Variants in PCBP3 observed in about 807,000 individuals in gnomAD.
The protein encoded by PCBP3 is poly(rC)-binding protein 3.
In PCBP3, 25 loss-of-function variants were observed where a neutral mutation model predicts 52.7. The ratio of observed to expected loss-of-function variants is 0.47; its 90% CI spans 0.35 to 0.66. PCBP3 has a LOEUF of 0.66. PCBP3 is among the 30% of genes least tolerant of loss of function. The pLI, the probability that PCBP3 is intolerant of heterozygous loss-of-function variation, is 0.01. For missense variants in PCBP3, 391 were observed against 490.3 expected, an observed-to-expected ratio of 0.80 and a Z score of 1.91; for synonymous variants, 162 against 183.0, an observed-to-expected ratio of 0.89 and a Z score of 0.93.
chr21:45,807,748 C>A (rs572113473), intron 4 of PCBP3, among the ~76,000 whole-genome samples: 1,899 of 149,414 alleles, frequency 0.013, 61 homozygotes, highest in African/African-American at 0.045. Flanking sequence ...GCAAAAAAAA[C>A]AAAAACAAAA....
intron 4 of PCBP3, among the ~76,000 whole-genome samples, chr21:45,849,525 C>T (rs914439287): frequency 3.3e-5 from 5 of 151,736 alleles, no homozygotes; most frequent in African/African-American, 1.2e-4. Flanking sequence ...CCTTTTTTTT[C>T]CAAGTCTCTC....
chr21:45,725,620 A>G (rs527889847), intron 2 of PCBP3, among the ~76,000 whole-genome samples: 2 of 152,266 alleles, frequency 1.3e-5, no homozygotes, highest in South Asian at 4.1e-4. Context: ...CAGGGTTCTT[A>G]CCACCATGGA....
intron 1 of PCBP3, 101 bp from the exon 2 acceptor site, chr21:45,668,773 G>T (rs2080968713): frequency 1.3e-5 from 2 of 152,084 alleles, no homozygotes; most frequent in Non-Finnish European, 2.9e-5. Flanking sequence ...ATTTTTGGAA[G>T]TTCTTACTTT....
intron 4 of PCBP3, among the ~76,000 whole-genome samples, chr21:45,790,031 G>T (rs8127809): frequency 0.19 from 29,154 of 151,990 alleles, 3,008 homozygotes; most frequent in Middle Eastern, 0.33. Flanking sequence ...TCCCAGCTAC[G>T]CGGGAGGCTG....
At chr21:45,930,882 G>A (rs11089031) in intron 15 of PCBP3, 37 bp downstream of exon 15, 465,478 of 1,610,168 alleles carry the variant, frequency 0.29, 69,142 homozygotes, top group Middle Eastern at 0.42. Flanking sequence ...AACAGGCCAG[G>A]GCAGCAGAGC....
At chr21:45,896,882 T>C (rs2095846911) in intron 6 of PCBP3, among the ~76,000 whole-genome samples, 2 of 128,558 alleles carry the variant, frequency 1.6e-5, no homozygotes, top group African/African-American at 6.7e-5. Flanking sequence ...CCGCGGCACA[T>C]AGAACCGGAG....
intron 12 of PCBP3, chr21:45,915,723 C>T (rs2149321194): frequency 6.6e-6 from 1 of 152,560 alleles, no homozygotes; most frequent in African/African-American, 2.4e-5. Flanking sequence ...GCCCTGGGGC[C>T]CTGGGGACAG....
rs151168291 is a variant in PCBP3, at chr21:45,899,478, C to T, written c.166-121C>T. ...TGAATTCTCCCTTCTTCATGCACAC[C>T]GGGAAGGTCCCTTCTGCACTCATAC... On this transcript the variant is annotated intron_variant, in intron 6 of 17. Transcript: ENST00000681687. 5,401 of 711,934 alleles carry T rather than the reference C, an allele frequency of 7.6e-3. 49 individuals carry two copies. The highest frequency in any genetic ancestry group is 8.8e-3 in the Non-Finnish European group (3,478 of 396,394). 44.1% of individuals were successfully genotyped at this position (711,934 alleles called of 1,614,324 possible). A position where few individuals can be genotyped will look rare whatever the true frequency, so the allele number is the denominator to read the frequency against.
intron 13 of PCBP3, among the ~76,000 whole-genome samples, chr21:45,922,468 T>C (rs538088614): frequency 6.6e-6 from 1 of 152,236 alleles, no homozygotes; most frequent in Admixed American, 6.5e-5. Context: ...GGTGGGGCAG[T>C]TACCTGAGCT....
Position 45,853,741 on chromosome 21 carries a change from G to A in PCBP3, c.10+3646G>A, listed in dbSNP as rs1431408265. On this transcript the variant is annotated intron_variant, in intron 5 of 17. Coordinates refer to ENST00000681687, the MANE Select transcript of PCBP3 (RefSeq NM_001384156.1). This position sits in a 1 kb window ranked among gnomAD's most constrained non-coding sequence, Gnocchi z 4.6. Reference sequence around the variant, plus strand: ...TGGTGTTAAACCATTCTGCCTGTGTGAGTACAGACGCGTGCATAGGAAATT... The same window carrying A: ...TGGTGTTAAACCATTCTGCCTGTGTAAGTACAGACGCGTGCATAGGAAATT... Among the ~76,000 whole-genome samples, 3 of 152,224 alleles carry A rather than the reference G, an allele frequency of 2.0e-5. No homozygotes were observed. The highest frequency in any genetic ancestry group is 6.5e-5 in the Admixed American group (1 of 15,284).
rs140219828 is a variant in PCBP3, at chr21:45,721,237, A to G, written c.-199-14155A>G. ...AGACCAGCCTGGCCAATGTGGCGAA[A>G]CCCCATCTCTACTAAAAATACAAAA... On this transcript the variant is annotated intron_variant, in intron 2 of 17. Transcript: ENST00000681687. Among the ~76,000 whole-genome samples the G allele has an allele frequency of 3.3e-3, 499 of 152,158 alleles. 7 individuals carry two copies. Among genetic ancestry groups the G allele is most frequent in the Non-Finnish European group, 1.0e-3 (69 of 67,986 alleles).
At chr21:45,784,120 G>A (rs1421948202) in intron 4 of PCBP3, among the ~76,000 whole-genome samples, 1 of 152,216 alleles carries the variant, frequency 6.6e-6, no homozygotes, top group Non-Finnish European at 1.5e-5. Context: ...GCAGAGTCCA[G>A]TGTGGAGAAG....
intron 4 of PCBP3, among the ~76,000 whole-genome samples, chr21:45,836,791 G>A (rs1409966138): frequency 6.6e-6 from 1 of 151,948 alleles, no homozygotes; most frequent in African/African-American, 2.4e-5. Flanking sequence ...CTCTTAGAAA[G>A]TGACATCAGT....
intron 2 of PCBP3, among the ~76,000 whole-genome samples, chr21:45,702,741 GACA>G (rs1172460474): frequency 2.0e-5 from 3 of 152,162 alleles, no homozygotes; most frequent in Non-Finnish European, 4.4e-5. Context: ...CTGAAAATAA[GACA>G]ACACTAAAGT....
chr21:45,858,477 C>G (rs2094390914), intron 5 of PCBP3: 1 of 152,246 alleles, frequency 6.6e-6, no homozygotes, highest in South Asian at 2.1e-4. Context: ...CAGCAGGACA[C>G]TGCCTTAGGG....
At chr21:45,812,281 G>C (rs1489653189) in intron 4 of PCBP3, among the ~76,000 whole-genome samples, 1 of 152,182 alleles carries the variant, frequency 6.6e-6, no homozygotes, top group African/African-American at 2.4e-5. Context: ...GAGAGGTCCT[G>C]AGAACATGTG....
At position 45,917,001 on chromosome 21, in the gene PCBP3, G is replaced by A. The variant is rs1185944095; in HGVS notation, c.676-587G>A. 6.6e-6 allele frequency: 1 copy of A among 152,220 alleles called. No individual in the cohort carries two copies. Among genetic ancestry groups the A allele is most frequent in the Non-Finnish European group, 1.5e-5 (1 of 68,134 alleles). 9.4% of individuals were successfully genotyped at this position (152,220 alleles called of 1,614,324 possible). ...ATACTGAAGCCAAAATGAGGCCTCAGGAGCCCCACACGATGGCTTGGGAGG... is the reference window on the plus strand; with the variant it reads ...ATACTGAAGCCAAAATGAGGCCTCAAGAGCCCCACACGATGGCTTGGGAGG... On this transcript the variant is annotated intron_variant, in intron 12 of 17. Coordinates refer to ENST00000681687, the MANE Select transcript of PCBP3 (RefSeq NM_001384156.1). The surrounding 1 kb of genome is among the most constrained non-coding windows in gnomAD (Gnocchi z 5.3).
intron 4 of PCBP3, among the ~76,000 whole-genome samples, chr21:45,799,055 G>A (rs112536220): frequency 8.7e-5 from 9 of 103,182 alleles, no homozygotes; most frequent in East Asian, 3.1e-4. Flanking sequence ...CTGTAGAGAG[G>A]GTGAATGCGT....
intron 5 of PCBP3, among the ~76,000 whole-genome samples, chr21:45,887,869 C>G (rs1368109848): frequency 1.3e-5 from 2 of 152,228 alleles, no homozygotes; most frequent in Admixed American, 6.5e-5. Context: ...CACAGCTGCT[C>G]TTATCAATAG....
Sources: gnomAD v4.1 joint callset for allele counts (sites outside exome capture counted in the v4.1 genomes callset) on GRCh38, gnomAD v4.1.1 for gene constraint, Gnocchi (gnomAD v3.1) non-coding constraint, MANE v1.5 for transcripts, NCBI Gene and HGNC (gene_info 2026-07-23, HGNC 2026-07-21) for gene names.